Variants in AP3M2 observed in about 807,000 individuals in gnomAD.
The protein encoded by AP3M2 is AP-3 complex subunit mu-2.
AP3M2 carries 28 observed loss-of-function variants against 41.6 expected under a neutral mutation model. The observed-to-expected ratio is 0.67, with a 90% CI of 0.50 to 0.92. AP3M2 has a LOEUF of 0.92. AP3M2 is among the 40% of genes least tolerant of loss of function. The pLI is 0.00. For synonymous variants in AP3M2, 193 were observed against 186.4 expected (o/e 1.04, Z -0.29); for missense variants, 427 against 521.4 (o/e 0.82, Z 1.76).
At chr8:42,167,543 C>G in intron 7 of AP3M2, 123 bp from the exon 8 acceptor site, 1 of 1,386,514 alleles carries the variant, frequency 7.2e-7, no homozygotes, top group East Asian at 2.3e-5. Context: ...GAAAGATACC[C>G]AGAGGCAGCT....
At chr8:42,164,761 T>C (rs937068307) in intron 4 of AP3M2, among the ~76,000 whole-genome samples, 2 of 152,252 alleles carry the variant, frequency 1.3e-5, no homozygotes, top group Non-Finnish European at 2.9e-5. Flanking sequence ...TGATGCTCTG[T>C]TTAATTCTGA....
Position 42,167,647 on chromosome 8 carries a change from A to T in AP3M2, c.1012-19A>T, listed in dbSNP as rs1248503064. ...TATTTTTTGGAAAGACCACTTCTCC[A>T]TTTTTATTTTCTTTGAAGATGCTGT... is the stretch of plus-strand genomic sequence containing the variant. On this transcript the variant is annotated intron_variant, in intron 7 of 8. Coordinates refer to ENST00000396926, the MANE Select transcript of AP3M2 (RefSeq NM_006803.4). 1 of 1,596,232 alleles carries T rather than the reference A, an allele frequency of 6.3e-7. No homozygotes were observed.
chr8:42,166,736 C>T (rs12375348), intron 6 of AP3M2, among the ~76,000 whole-genome samples: 17,509 of 151,536 alleles, frequency 0.12, 1,494 homozygotes, highest in Non-Finnish European at 0.17. Context: ...CACTGCACTC[C>T]AACCAGGCTG....
rs11996954 is a variant in AP3M2 at position 42,171,051 on chromosome 8, G to A, written c.*1990G>A. 0.019 allele frequency: 2,927 copies of A among 152,364 alleles called. 90 individuals carry two copies. Among genetic ancestry groups the A allele is most frequent in the African/African-American group, 0.067 (2,777 of 41,556 alleles). The allele number at this position is 152,364 out of a possible 1,614,324, so 9.4% of individuals were successfully genotyped here. ...CAGGCCATGGAGTGTAGCGGGCATC[G>A]CTGCCGCCATTCCTGCAGCATCACC... On this transcript the variant is annotated 3_prime_UTR_variant, in exon 9 of 9. Transcript: ENST00000396926.
chr8:42,158,430 G>A (rs918160126), intron 3 of AP3M2, among the ~76,000 whole-genome samples: 1 of 151,710 alleles, frequency 6.6e-6, no homozygotes, highest in Non-Finnish European at 1.5e-5. Flanking sequence ...TGTATTTTTA[G>A]TAGAGATGGT....
At position 42,154,823 on chromosome 8, in the gene AP3M2, C is replaced by G. The variant is rs1265406422; in HGVS notation, c.136C>G (p.Pro46Ala). The G allele has an allele frequency of 6.2e-7, 1 of 1,614,124 alleles. No homozygotes were observed. Among genetic ancestry groups the G allele is most frequent in the Non-Finnish European group, 8.5e-7 (1 of 1,180,022 alleles). Residue 46 changes from proline to alanine, a missense_variant, in exon 2 of 9, where the codon CCT becomes GCT. By Grantham distance (27) the Pro-to-Ala change is conservative. Coordinates refer to ENST00000396926, the MANE Select transcript of AP3M2 (RefSeq NM_006803.4). ...QERATEAENV[P>A]PVIPTPHHYL... ...GAGAGCTACTGAGGCAGAAAATGTG[C>G]CTCCGGTTATCCCTACCCCTCACCA...
rs755233870 is a variant in AP3M2 at position 42,165,484 on chromosome 8, G to C, written c.727G>C (p.Glu243Gln). The C allele has an allele frequency of 2.7e-5, 44 of 1,614,054 alleles. No homozygotes were observed. Among genetic ancestry groups the C allele is most frequent in the Non-Finnish European group, 3.6e-5 (43 of 1,180,048 alleles). ...FHPCVRFKRW[E>Q]SERILSFIPP... ...TCCTTGTGTTCGTTTCAAACGCTGGGAATCTGAGCGCATCCTCTCCTTCAT... is the reference window on the plus strand; with the variant it reads ...TCCTTGTGTTCGTTTCAAACGCTGGCAATCTGAGCGCATCCTCTCCTTCAT... Residue 243 changes from glutamate to glutamine, a missense_variant, in exon 6 of 9, where the codon GAA becomes CAA. This residue lies in a region of AP3M2 where 237 missense variants were observed against 284.9 expected (regional missense o/e 0.83). Transcript: ENST00000396926.
chr8:42,168,865 TC>T, intron 8 of AP3M2, 95 bp from the exon 9 acceptor site: 1 of 841,860 alleles, frequency 1.2e-6, no homozygotes, highest in South Asian at 1.8e-5. Flanking sequence ...GCAATGTCGG[TC>T]CCACTGACTT....
rs1267624122 is a variant in AP3M2 at position 42,162,798 on chromosome 8, T to G, written c.583+380T>G. Among the ~76,000 whole-genome samples, 3 of 151,570 alleles carry G rather than the reference T, an allele frequency of 2.0e-5. No individual in the cohort carries two copies. In the East Asian group the frequency reaches 5.8e-4, roughly 29 times the overall value. On this transcript the variant is annotated intron_variant, in intron 4 of 8. Coordinates refer to ENST00000396926, the MANE Select transcript of AP3M2 (RefSeq NM_006803.4). Reference sequence around the variant, plus strand: ...CATCTCCACAAAAAGTGAAAAAAATTACCTGAGCATAGTTGTGCATGCCTG... The same window carrying G: ...CATCTCCACAAAAAGTGAAAAAAATGACCTGAGCATAGTTGTGCATGCCTG...
intron 2 of AP3M2, among the ~76,000 whole-genome samples, chr8:42,155,432 G>A (rs1292942527): frequency 6.6e-6 from 1 of 152,218 alleles, no homozygotes; most frequent in African/African-American, 2.4e-5. Context: ...TCAGGTTTGA[G>A]GTGGTTCTTT....
At chr8:42,158,541 G>A (rs1306545352) in intron 3 of AP3M2, among the ~76,000 whole-genome samples, 3 of 152,146 alleles carry the variant, frequency 2.0e-5, no homozygotes, top group African/African-American at 7.2e-5. Context: ...GAGCCACCGC[G>A]CCTGGCCCCT....
chr8:42,168,130 A>G (rs753823658), intron 8 of AP3M2: 5 of 513,096 alleles, frequency 9.7e-6, no homozygotes, highest in Middle Eastern at 3.1e-4. Flanking sequence ...GGTTTTCAGT[A>G]TGAGAATCCA....
chr8:42,167,397 T>C, intron 7 of AP3M2, 26 bp downstream of exon 7: 1 of 1,609,986 alleles, frequency 6.2e-7, no homozygotes, highest in African/African-American at 1.3e-5. Context: ...ACATCTTGAA[T>C]TGCTGATGTT....
At chr8:42,168,250 G>A (rs772134736) in intron 8 of AP3M2, 1 of 456,948 alleles carries the variant, frequency 2.2e-6, no homozygotes, top group South Asian at 1.5e-5. Flanking sequence ...GCCTTTCCAG[G>A]TCAGTTCACT....
intron 6 of AP3M2, 195 bp downstream of exon 6, chr8:42,165,755 A>G (rs1804623472): frequency 5.4e-6 from 3 of 552,038 alleles, no homozygotes; most frequent in Admixed American, 3.5e-5. Flanking sequence ...ATTGAAAATA[A>G]TAAAAGTGCC....
intron 1 of AP3M2, chr8:42,153,767 C>G (rs1804277076): frequency 6.6e-6 from 1 of 152,034 alleles, no homozygotes; most frequent in Non-Finnish European, 1.5e-5. Context: ...TCCCTAAGTA[C>G]TGGGATCACA....
chr8:42,155,047 A>G, intron 2 of AP3M2, 87 bp downstream of exon 2: 1 of 1,150,150 alleles, frequency 8.7e-7, no homozygotes, highest in Non-Finnish European at 1.2e-6. Flanking sequence ...CCATTAAGAA[A>G]CTTAAAAAAA....
intron 4 of AP3M2, among the ~76,000 whole-genome samples, chr8:42,164,307 G>C (rs1461541000): frequency 1.4e-4 from 22 of 152,160 alleles, no homozygotes; most frequent in Non-Finnish European, 1.0e-4. Context: ...TGAGAGAATG[G>C]ACTCATTTCT....
rs1215577163 is a variant in AP3M2 at position 42,165,545 on chromosome 8, A to G, written c.788A>G (p.His263Arg). The G allele has an allele frequency of 1.2e-6, 2 of 1,614,106 alleles. No individual in the cohort carries two copies. Among genetic ancestry groups the G allele is most frequent in the Non-Finnish European group, 1.7e-6 (2 of 1,180,016 alleles). The stretch of plus-strand genomic sequence containing the variant: ...GGAAACTTCCGCCTGCTGTCTTACC[A>G]TGTCAGTGCACAGAAGTAAGCAGCT... ...PDGNFRLLSY[H>R]VSAQNLVAIP... Residue 263 changes from histidine to arginine, a missense_variant, in exon 6 of 9, where the codon CAT becomes CGT. His to Arg is a conservative substitution (Grantham distance 29). Coordinates refer to ENST00000396926, the MANE Select transcript of AP3M2 (RefSeq NM_006803.4).
Sources: gnomAD v4.1 joint callset for allele counts (sites outside exome capture counted in the v4.1 genomes callset) on GRCh38, gnomAD v4.1.1 for gene constraint, gnomAD v4.1.1 regional missense constraint, MANE v1.5 for transcripts, NCBI Gene and HGNC (gene_info 2026-07-23, HGNC 2026-07-21) for gene names.